The following CYP7B1 variants were observed in gnomAD, a reference collection of about 807,000 sequenced individuals.
CYP7B1 encodes cytochrome P450 family 7 subfamily B member 1.
A neutral mutation model predicts 42.7 loss-of-function variants in CYP7B1; 29 were observed. The ratio of observed to expected loss-of-function variants is 0.68; its 90% CI spans 0.51 to 0.93. The LOEUF (loss-of-function observed/expected upper bound fraction) is 0.93, where lower values mean the gene tolerates loss of function less well. CYP7B1 is among the 40% of genes least tolerant of loss of function. The pLI is 0.00. For synonymous variants in CYP7B1, 235 were observed against 218.2 expected (o/e 1.08, Z -0.68); for missense variants, 655 against 600.5 (o/e 1.09, Z -0.95).
rs1353604083 is a variant in CYP7B1 at position 64,596,780 on chromosome 8, T to C, written c.1383A>G (p.Gln461=). 6 of 1,613,986 alleles carry C rather than the reference T, an allele frequency of 3.7e-6. No homozygotes were observed. Among genetic ancestry groups the C allele is most frequent in the African/African-American group, 2.7e-5 (2 of 74,938 alleles). The change falls in exon 6 of 6, where the codon CAA becomes CAG. Residue 461 remains glutamine (Q), a synonymous_variant. Coordinates refer to ENST00000310193, the MANE Select transcript of CYP7B1 (RefSeq NM_004820.5). ...GRFFALMEIK[Q]LLVILLTYFD... ...AATAAGTTAAAAGTATAACCAACAA[T>C]TGTTTTATTTCCATAAGTGCAAAAA...
chr8:64,671,099 TATAAA>T (rs1482237354), intron 1 of CYP7B1, among the ~76,000 whole-genome samples: 1 of 151,584 alleles, frequency 6.6e-6, no homozygotes, highest in Non-Finnish European at 1.5e-5. Flanking sequence ...CCCATGTATA[TATAAA>T]ATAAGTGCAG....
chr8:64,719,352 G>A (rs1232610212), intron 1 of CYP7B1, among the ~76,000 whole-genome samples: 2 of 152,128 alleles, frequency 1.3e-5, no homozygotes, highest in Non-Finnish European at 2.9e-5. Flanking sequence ...AATCAGTAGT[G>A]AGTGCAGCGA....
chr8:64,673,263 A>C (rs1251007503), intron 1 of CYP7B1, among the ~76,000 whole-genome samples: 1 of 152,014 alleles, frequency 6.6e-6, no homozygotes. Flanking sequence ...CTAATCCTAA[A>C]CCTTGATCAA....
intron 1 of CYP7B1, among the ~76,000 whole-genome samples, chr8:64,752,779 A>G (rs997910604): frequency 1.3e-5 from 2 of 152,218 alleles, no homozygotes; most frequent in Non-Finnish European, 2.9e-5. Flanking sequence ...AATGTTTATT[A>G]TAATTTCTCT....
intron 1 of CYP7B1, among the ~76,000 whole-genome samples, chr8:64,792,132 T>C (rs896081802): frequency 5.3e-5 from 8 of 152,206 alleles, no homozygotes; most frequent in East Asian, 3.8e-4. Flanking sequence ...CATAGCTCTA[T>C]TGTGTCCTAG....
chr8:64,662,309 G>C (rs891224288), intron 1 of CYP7B1, among the ~76,000 whole-genome samples: 1 of 152,146 alleles, frequency 6.6e-6, no homozygotes, highest in African/African-American at 2.4e-5. Context: ...TCCAGCCTGG[G>C]TGACAGCAAG....
chr8:64,658,499 A>G, intron 1 of CYP7B1, among the ~76,000 whole-genome samples: 1 of 152,110 alleles, frequency 6.6e-6, no homozygotes, highest in Non-Finnish European at 1.5e-5. Context: ...CTTATATGGA[A>G]TGTGCATTTT....
chr8:64,766,187 G>A (rs962874825), intron 1 of CYP7B1, among the ~76,000 whole-genome samples: 3 of 152,156 alleles, frequency 2.0e-5, no homozygotes, highest in Admixed American at 1.3e-4. Context: ...GCTAACTTGC[G>A]TGCTAGAAGG....
chr8:64,596,862 T>A lies in CYP7B1; in HGVS notation c.1301A>T (p.Lys434Met). 1 of 1,613,916 alleles carries A rather than the reference T, an allele frequency of 6.2e-7. No homozygotes were observed. Among genetic ancestry groups the A allele is most frequent in the African/African-American group, 1.3e-5 (1 of 75,064 alleles). Residue 434 changes from lysine (K) to methionine (M), a missense_variant, in exon 6 of 6, where the codon AAG becomes ATG. Transcript: ENST00000310193. ...AAACGGCATTAGGTAACACTTCAGC[T>A]TTTTCCCTCTTTTGAAAAAGGTGGT... The part of the protein sequence containing the change: ...KKTTFFKRGK[K>M]LKCYLMPFGT...
chr8:64,687,925 C>A (rs1435285185), intron 1 of CYP7B1, among the ~76,000 whole-genome samples: 1 of 152,194 alleles, frequency 6.6e-6, no homozygotes, highest in Non-Finnish European at 1.5e-5. Flanking sequence ...AGGTTGTCTG[C>A]AAGATTCTCT....
intron 5 of CYP7B1, 37 bp from the exon 6 acceptor site, chr8:64,596,966 A>G: frequency 1.3e-6 from 2 of 1,559,288 alleles, no homozygotes; most frequent in Non-Finnish European, 1.8e-6. Flanking sequence ...AACATTTTAT[A>G]TGAAATAGTT....
chr8:64,624,532 C>G lies in CYP7B1; in HGVS notation c.130G>C (p.Gly44Arg). 6.2e-7 allele frequency: 1 copy of G among 1,612,866 alleles called. No homozygotes were observed. The highest frequency in any genetic ancestry group is 8.5e-7 in the Non-Finnish European group (1 of 1,179,762). Reference protein sequence around the residue: ...CLLVRRTRRPGEPPLIKGWLP... With the variant: ...CLLVRRTRRPREPPLIKGWLP... ...CAACCTTTTATCAATGGAGGCTCAC[C>G]GGGTCTCCTACAAGGAAAAAAAAAA... The change falls in exon 2 of 6, where the codon GGT becomes CGT. Residue 44 changes from glycine to arginine, a missense_variant. Transcript: ENST00000310193.
chr8:64,611,012 A>T (rs1056659065), intron 4 of CYP7B1, among the ~76,000 whole-genome samples: 1 of 152,180 alleles, frequency 6.6e-6, no homozygotes, highest in African/African-American at 2.4e-5. Context: ...AATAATTATT[A>T]ATATTATCAT....
At chr8:64,693,521 C>T (rs915980326) in intron 1 of CYP7B1, among the ~76,000 whole-genome samples, 5 of 152,116 alleles carry the variant, frequency 3.3e-5, no homozygotes, top group African/African-American at 1.2e-4. Context: ...CTTAAATGAT[C>T]CTTTCCTCTA....
intron 4 of CYP7B1, among the ~76,000 whole-genome samples, chr8:64,605,111 C>A (rs1805260651): frequency 6.6e-6 from 1 of 152,082 alleles, no homozygotes. Flanking sequence ...GGCAGAAAGT[C>A]ATTAAGATTT....
At chr8:64,704,928 C>A (rs1339524270) in intron 1 of CYP7B1, among the ~76,000 whole-genome samples, 2 of 152,002 alleles carry the variant, frequency 1.3e-5, no homozygotes, top group Non-Finnish European at 2.9e-5. Context: ...GTTCCACTGA[C>A]TCTATTAGGA....
chr8:64,774,385 T>C (rs1189086774), intron 1 of CYP7B1, among the ~76,000 whole-genome samples: 1 of 152,184 alleles, frequency 6.6e-6, no homozygotes, highest in African/African-American at 2.4e-5. Context: ...GAAAGACTAA[T>C]AGATTAGGAA....
intron 1 of CYP7B1, among the ~76,000 whole-genome samples, chr8:64,796,601 AC>A (rs2129739161): frequency 6.6e-6 from 1 of 152,294 alleles, no homozygotes; most frequent in East Asian, 1.9e-4. Flanking sequence ...TAACAACTCC[AC>A]CATCTTACAT....
At chr8:64,698,079 C>A (rs1021262325) in intron 1 of CYP7B1, among the ~76,000 whole-genome samples, 2 of 152,218 alleles carry the variant, frequency 1.3e-5, no homozygotes, top group South Asian at 4.1e-4. Flanking sequence ...AAAATTCCAC[C>A]AGTTTTCCAA....
Sources: gnomAD v4.1 joint callset for allele counts (sites outside exome capture counted in the v4.1 genomes callset) on GRCh38, gnomAD v4.1.1 for gene constraint, MANE v1.5 for transcripts, NCBI Gene and HGNC (gene_info 2026-07-23, HGNC 2026-07-21) for gene names.